Variants in CCDC3 observed in about 807,000 individuals in gnomAD.
CCDC3 encodes the protein coiled-coil domain-containing protein 3.
In CCDC3, 24 loss-of-function variants were observed where a neutral mutation model predicts 21.4. That is an observed-to-expected ratio of 1.12 (90% CI 0.81 to 1.58). The LOEUF is 1.58. CCDC3 is among the 40% of genes most tolerant of loss of function. The pLI is 0.00. For synonymous variants in CCDC3, 186 were observed against 166.0 expected, an observed-to-expected ratio of 1.12 and a Z score of -0.93; for missense variants, 425 against 360.9, an observed-to-expected ratio of 1.18 and a Z score of -1.44.
intron 5 of CCDC3, among the ~76,000 whole-genome samples, chr10:13,028,830 C>T (rs1291991487): frequency 6.6e-6 from 1 of 152,188 alleles, no homozygotes; most frequent in Non-Finnish European, 1.5e-5. Context: ...CAAAACCAAG[C>T]TTCTGCCTCT....
chr10:13,072,376 C>A (rs1023248144), intron 4 of CCDC3, among the ~76,000 whole-genome samples: 1 of 84,758 alleles, frequency 1.2e-5, no homozygotes, highest in Non-Finnish European at 2.8e-5. Context: ...TTATTCTAAC[C>A]GCCGTTGGAT....
At chr10:12,901,265 TTTTTC>T (rs368848875) in intron 2 of CCDC3, among the ~76,000 whole-genome samples, 65 of 152,184 alleles carry the variant, frequency 4.3e-4, no homozygotes, top group Middle Eastern at 6.8e-3. Flanking sequence ...CTTACATTAT[TTTTTC>T]TTTTCTTTTC....
At chr10:13,000,295 AG>A (rs1835826900) in intron 1 of CCDC3, among the ~76,000 whole-genome samples, 1 of 152,332 alleles carries the variant, frequency 6.6e-6, no homozygotes, top group South Asian at 2.1e-4. Flanking sequence ...AGCTAACCAA[AG>A]AATTTAGAGT....
At chr10:13,095,319 G>A (rs746461601) in intron 3 of CCDC3, among the ~76,000 whole-genome samples, 14 of 152,102 alleles carry the variant, frequency 9.2e-5, no homozygotes, top group South Asian at 2.1e-4. Flanking sequence ...TTCATGCAGC[G>A]ACCACACCAG....
At chr10:13,073,473 A>G (rs55800322) in intron 4 of CCDC3, among the ~76,000 whole-genome samples, 31,555 of 151,958 alleles carry the variant, frequency 0.21, 3,857 homozygotes, top group East Asian at 0.29. Context: ...AGGAGTAACC[A>G]CATCCCCTTC....
At chr10:12,987,717 G>A (rs898216052) in intron 2 of CCDC3, among the ~76,000 whole-genome samples, 3 of 152,176 alleles carry the variant, frequency 2.0e-5, no homozygotes, top group Non-Finnish European at 4.4e-5. Context: ...CACAAAGCAT[G>A]ACATTGGCCA....
chr10:12,952,132 C>T (rs1331563229), intron 2 of CCDC3, among the ~76,000 whole-genome samples: 1 of 152,122 alleles, frequency 6.6e-6, no homozygotes, highest in Non-Finnish European at 1.5e-5. Flanking sequence ...TCAGGTGAGA[C>T]CAAGAAACAG....
At chr10:12,988,648 C>T (rs1835635239) in intron 2 of CCDC3, among the ~76,000 whole-genome samples, 1 of 152,056 alleles carries the variant, frequency 6.6e-6, no homozygotes, top group Non-Finnish European at 1.5e-5. Flanking sequence ...CCCACCTACC[C>T]TCTTTTAATT....
At chr10:12,961,453 C>T (rs1835177849) in intron 2 of CCDC3, among the ~76,000 whole-genome samples, 2 of 152,180 alleles carry the variant, frequency 1.3e-5, no homozygotes, top group South Asian at 2.1e-4. Context: ...GGAAAAAAAT[C>T]TTCCATCGGT....
chr10:12,969,390 G>A (rs970653143), intron 2 of CCDC3, among the ~76,000 whole-genome samples: 1 of 151,968 alleles, frequency 6.6e-6, no homozygotes, highest in South Asian at 2.1e-4. Flanking sequence ...AAAACAGTAT[G>A]GAGTTTCCTC....
intron 2 of CCDC3, among the ~76,000 whole-genome samples, chr10:12,923,261 G>A (rs533828052): frequency 8.2e-4 from 125 of 152,192 alleles, no homozygotes; most frequent in Middle Eastern, 3.2e-3. Context: ...TCTATGCTCA[G>A]AAACCTTCAA....
intron 2 of CCDC3, among the ~76,000 whole-genome samples, chr10:12,954,363 T>C (rs1835052749): frequency 6.6e-6 from 1 of 152,252 alleles, no homozygotes; most frequent in African/African-American, 2.4e-5. Context: ...GGAATGATCC[T>C]GAATTTTCTT....
At chr10:13,029,115 C>T (rs1423146665) in intron 5 of CCDC3, among the ~76,000 whole-genome samples, 2 of 152,174 alleles carry the variant, frequency 1.3e-5, no homozygotes, top group African/African-American at 4.8e-5. Flanking sequence ...TGTGCTCCTG[C>T]TGTGTCCTTT....
At chr10:12,955,077 T>A (rs1835063075) in intron 2 of CCDC3, among the ~76,000 whole-genome samples, 1 of 152,210 alleles carries the variant, frequency 6.6e-6, no homozygotes, top group Non-Finnish European at 1.5e-5. Context: ...ACTGTTCAAG[T>A]TTTTGTCATG....
intron 2 of CCDC3, among the ~76,000 whole-genome samples, chr10:12,972,049 A>G (rs1038320798): frequency 5.3e-5 from 8 of 152,008 alleles, no homozygotes; most frequent in Admixed American, 4.6e-4. Flanking sequence ...TATGGCTTCA[A>G]CTATCACCTC....
intron 2 of CCDC3, among the ~76,000 whole-genome samples, chr10:12,995,860 G>A (rs1275362650): frequency 2.0e-5 from 3 of 152,036 alleles, no homozygotes; most frequent in Admixed American, 1.3e-4. Context: ...AATTCTCCAC[G>A]GTCCCATTGT....
chr10:12,916,325 A>G (rs963846971), intron 2 of CCDC3, among the ~76,000 whole-genome samples: 5 of 151,300 alleles, frequency 3.3e-5, no homozygotes, highest in African/African-American at 4.9e-5. Context: ...CCAGCTACTC[A>G]GGAGGCTGAG....
At chr10:13,021,288 T>C (rs1836141335) in intron 5 of CCDC3, among the ~76,000 whole-genome samples, 1 of 152,254 alleles carries the variant, frequency 6.6e-6, no homozygotes, top group East Asian at 1.9e-4. Context: ...TCCATCTTTT[T>C]ACTCCTATCA....
At chr10:12,941,867 G>C (rs552981604) in intron 2 of CCDC3, among the ~76,000 whole-genome samples, 6 of 152,302 alleles carry the variant, frequency 3.9e-5, no homozygotes, top group African/African-American at 1.4e-4. Context: ...ATTTGTAAGA[G>C]TGCCTTCCTC....
Sources: gnomAD v4.1 joint callset for allele counts (sites outside exome capture counted in the v4.1 genomes callset) on GRCh38, gnomAD v4.1.1 for gene constraint, MANE v1.5 for transcripts, NCBI Gene and HGNC (gene_info 2026-07-23, HGNC 2026-07-21) for gene names.